The following MICAL2 variants were observed in gnomAD, a reference collection of about 807,000 sequenced individuals.
MICAL2 encodes the protein microtubule associated monooxygenase, calponin and LIM domain containing 2.
Under a neutral mutation model 127.3 loss-of-function variants are expected in MICAL2, and 77 were observed. The observed-to-expected ratio is 0.60, with a 90% CI of 0.50 to 0.73. The LOEUF (loss-of-function observed/expected upper bound fraction) is 0.73, where lower values mean the gene tolerates loss of function less well. MICAL2 is among the 30% of genes least tolerant of loss of function. The pLI is 0.00. For synonymous variants in MICAL2, 570 were observed against 551.1 expected, an observed-to-expected ratio of 1.03 and a Z score of -0.48; for missense variants, 1,351 against 1,434.4, an observed-to-expected ratio of 0.94 and a Z score of 0.94.
At chr11:12,209,683 G>C in intron 6 of MICAL2, 85 bp downstream of exon 6, 1 of 1,206,078 alleles carries the variant, frequency 8.3e-7, no homozygotes, top group Non-Finnish European at 1.2e-6. Context: ...AAGTGGGCAA[G>C]ATGCAGATGC....
chr11:12,321,787 C>A (rs949462277), intron 30 of MICAL2, among the ~76,000 whole-genome samples: 1 of 152,026 alleles, frequency 6.6e-6, no homozygotes, highest in African/African-American at 2.4e-5. Flanking sequence ...AGCTTTGCTG[C>A]TGGGAAGCGC....
chr11:12,285,566 T>C (rs778263327), intron 2 of MICAL2, among the ~76,000 whole-genome samples: 1 of 152,142 alleles, frequency 6.6e-6, no homozygotes, highest in Non-Finnish European at 1.5e-5. Flanking sequence ...GCAAGAGGGA[T>C]TGGTTAAGTC....
At chr11:12,235,231 T>C (rs915823912) in intron 15 of MICAL2, among the ~76,000 whole-genome samples, 1 of 152,136 alleles carries the variant, frequency 6.6e-6, no homozygotes, top group Non-Finnish European at 1.5e-5. Context: ...ACTCCAGCCA[T>C]AGCATCAGCT....
chr11:12,169,766 GT>G (rs1856002355), intron 3 of MICAL2, among the ~76,000 whole-genome samples: 1 of 152,166 alleles, frequency 6.6e-6, no homozygotes, highest in Non-Finnish European at 1.5e-5. Flanking sequence ...AACCACACTT[GT>G]TTGTATACGT....
chr11:12,114,605 G>A (rs1357428557), intron 1 of MICAL2, among the ~76,000 whole-genome samples: 1 of 152,142 alleles, frequency 6.6e-6, no homozygotes, highest in Non-Finnish European at 1.5e-5. Flanking sequence ...TGAACGCCGT[G>A]TCTGGGACAC....
At chr11:12,229,477 G>A (rs1186741945) in intron 15 of MICAL2, among the ~76,000 whole-genome samples, 1 of 152,144 alleles carries the variant, frequency 6.6e-6, no homozygotes, top group Non-Finnish European at 1.5e-5. Flanking sequence ...CCCCTGTCTT[G>A]GGCTGTTTGG....
At chr11:12,340,986 C>A (rs1455250435) in intron 32 of MICAL2, among the ~76,000 whole-genome samples, 4 of 152,116 alleles carry the variant, frequency 2.6e-5, no homozygotes, top group Non-Finnish European at 5.9e-5. Context: ...CTGAATCAGG[C>A]CAGATTCACA....
intron 20 of MICAL2, 39 bp downstream of exon 20, chr11:12,242,811 C>A: frequency 6.8e-7 from 1 of 1,470,316 alleles, no homozygotes; most frequent in Non-Finnish European, 9.3e-7. Context: ...GAACCTGATG[C>A]TGGACATCCA....
chr11:12,174,863 G>C (rs185522265), intron 3 of MICAL2, among the ~76,000 whole-genome samples: 1 of 152,168 alleles, frequency 6.6e-6, no homozygotes, highest in African/African-American at 2.4e-5. Context: ...GCTCACTCCT[G>C]TACTCCCAGT....
At chr11:12,236,997 T>C (rs866063896) in intron 16 of MICAL2, among the ~76,000 whole-genome samples, 2 of 152,190 alleles carry the variant, frequency 1.3e-5, no homozygotes, top group South Asian at 2.1e-4. Context: ...ATCTGATTGA[T>C]AGGAGGTAGA....
At chr11:12,222,411 C>T (rs983616215) in intron 10 of MICAL2, among the ~76,000 whole-genome samples, 1 of 152,212 alleles carries the variant, frequency 6.6e-6, no homozygotes, top group Admixed American at 6.5e-5. Context: ...CCCCGTCACC[C>T]AGGCGCCCCT....
In MICAL2 at chr11:12,242,665, C is replaced by G; in HGVS notation, c.2557-6C>G. ...TTTTCTTTCTCCTTTCTCACCTTCA[C>G]TGCAGAAGAGGGCTCAGAACTTGGC... On this transcript the variant is annotated splice_polypyrimidine_tract_variant and splice_region_variant and intron_variant, in intron 19 of 27. Transcript: ENST00000683283. 1 of 1,609,718 alleles carries G rather than the reference C, an allele frequency of 6.2e-7. No homozygotes were observed. Among genetic ancestry groups the G allele is most frequent in the Non-Finnish European group, 8.5e-7 (1 of 1,176,988 alleles).
At chr11:12,281,700 G>A (rs1038703576) in intron 2 of MICAL2, among the ~76,000 whole-genome samples, 6 of 152,198 alleles carry the variant, frequency 3.9e-5, no homozygotes, top group East Asian at 3.8e-4. Flanking sequence ...TAACTAGTGC[G>A]AAGCCTGTTT....
chr11:12,224,977 C>T (rs1008691812), intron 13 of MICAL2, among the ~76,000 whole-genome samples, 157 bp downstream of exon 13: 1 of 152,210 alleles, frequency 6.6e-6, no homozygotes, highest in African/African-American at 2.4e-5. Flanking sequence ...ACTGATTACT[C>T]TGTCAGCAGT....
intron 2 of MICAL2, 134 bp from the exon 3 acceptor site, chr11:12,161,945 T>G (rs2133803693): frequency 3.2e-6 from 2 of 618,106 alleles, no homozygotes; most frequent in South Asian, 4.1e-5. Flanking sequence ...AATATTTATG[T>G]TTAGTATTGA....
chr11:12,259,910 CCTT>C lies in MICAL2; in HGVS notation c.3334+17_3334+19del, dbSNP rs2134695568. On this transcript the variant is annotated intron_variant, in intron 26 of 27. Transcript: ENST00000683283. ...GGCAGCCCCCCAGGTATCTCCACCT[CCTT>C]CTTTAGGAAGGTGCTGGGCTGGCCC... The C allele has an allele frequency of 2.5e-6, 4 of 1,612,908 alleles. No homozygotes were observed. Among genetic ancestry groups the C allele is most frequent in the East Asian group, 4.5e-5 (2 of 44,804 alleles).
At chr11:12,330,679 G>A (rs762583102) in intron 32 of MICAL2, among the ~76,000 whole-genome samples, 4 of 151,860 alleles carry the variant, frequency 2.6e-5, no homozygotes, top group Non-Finnish European at 4.4e-5. Flanking sequence ...AAGCTCTCCC[G>A]CCCCCGGGAA....
chr11:12,360,458 C>T (rs1939190377), downstream of MICAL2, among the ~76,000 whole-genome samples: 1 of 152,142 alleles, frequency 6.6e-6, no homozygotes, highest in Non-Finnish European at 1.5e-5. Flanking sequence ...ACAAGAATAT[C>T]AACTCATTAT....
At chr11:12,301,019 C>T (rs1864040097) in intron 29 of MICAL2, among the ~76,000 whole-genome samples, 1 of 152,314 alleles carries the variant, frequency 6.6e-6, no homozygotes, top group South Asian at 2.1e-4. Flanking sequence ...AACAGTTCCA[C>T]ATGGCTGGGG....
Sources: gnomAD v4.1 joint callset for allele counts (sites outside exome capture counted in the v4.1 genomes callset) on GRCh38, gnomAD v4.1.1 for gene constraint, MANE v1.5 for transcripts, NCBI Gene and HGNC (gene_info 2026-07-23, HGNC 2026-07-21) for gene names.